The following DBH variants were observed in gnomAD, a reference collection of about 807,000 sequenced individuals.
DBH encodes the protein dopamine beta-hydroxylase (dopamine beta-monooxygenase).
In DBH, 49 loss-of-function variants were observed where a neutral mutation model predicts 64.0. That is an observed-to-expected ratio of 0.77 (90% CI 0.61 to 0.97). The LOEUF (loss-of-function observed/expected upper bound fraction) is 0.97. DBH is among the 50% of genes least tolerant of loss of function. The pLI, the probability that DBH is intolerant of heterozygous loss-of-function variation, is 0.00. For synonymous variants in DBH, 343 were observed against 347.1 expected (o/e 0.99, Z 0.13); for missense variants, 828 against 826.6 (o/e 1.00, Z -0.02).
Position 133,656,425 on chromosome 9 carries a change from C to T in DBH, c.1435-98C>T, listed in dbSNP as rs181447585. 330 of 1,539,058 alleles carry T rather than the reference C, an allele frequency of 2.1e-4. 1 individual carries two copies. In the African/African-American group the frequency reaches 2.3e-3, roughly 11 times the overall value. On this transcript the variant is annotated intron_variant, in intron 9 of 11. Transcript: ENST00000393056. The stretch of plus-strand genomic sequence containing the variant: ...TGCCTGGCACGGTGCAGTGAACAGA[C>T]GAGTGGACGCAGTGTACACGTGGGT...
intron 9 of DBH, chr9:133,655,211 G>T (rs1040787964): frequency 6.6e-6 from 1 of 152,290 alleles, no homozygotes; most frequent in African/African-American, 2.4e-5. Context: ...AAAGGGGAGG[G>T]CAGCTCCCCA....
At chr9:133,644,427 C>T (rs954930029) in intron 5 of DBH, 107 bp downstream of exon 5, 30 of 897,718 alleles carry the variant, frequency 3.3e-5, no homozygotes, top group African/African-American at 2.6e-4. Context: ...CCCCGCTGTA[C>T]AGCTCCTCTT....
chr9:133,656,749 G>T, intron 10 of DBH, 99 bp downstream of exon 10: 1 of 1,457,674 alleles, frequency 6.9e-7, no homozygotes, highest in Non-Finnish European at 9.4e-7. Context: ...TCCAGGCTAA[G>T]TTCTAGGAGC....
In DBH at chr9:133,642,340, T is replaced by A; in HGVS notation, c.620T>A (p.Leu207Ter). Residue 207 changes from leucine (L) to a stop codon, truncating the protein, a stop_gained, in exon 3 of 12, where the codon TTG becomes TAG. Transcript: ENST00000393056. LOFTEE classifies it high-confidence loss of function. ...AAGCCCAATATCCCCGAACCGGAGT[T>A]GCCCTCAGACGCGTGCACCATGGAG... ...LLKPNIPEPE[L>*]PSDACTMEVQ... is the part of the protein sequence containing the mutation. 1 of 1,614,170 alleles carries A rather than the reference T, an allele frequency of 6.2e-7. No individual in the cohort carries two copies. Among genetic ancestry groups the A allele is most frequent in the Non-Finnish European group, 8.5e-7 (1 of 1,180,026 alleles).
chr9:133,650,465 TTTTTC>T (rs1330266905), intron 6 of DBH, among the ~76,000 whole-genome samples: 1 of 147,562 alleles, frequency 6.8e-6, no homozygotes, highest in Non-Finnish European at 1.5e-5. Flanking sequence ...CTTTCTTTTC[TTTTTC>T]TTTCTTTTTC....
chr9:133,653,114 A>G (rs1213716452), intron 9 of DBH, 115 bp downstream of exon 9: 3 of 826,792 alleles, frequency 3.6e-6, no homozygotes, highest in East Asian at 5.2e-5. Context: ...CGTCCCCTCA[A>G]TAAGCCAGTC....
intron 8 of DBH, 40 bp from the exon 9 acceptor site, chr9:133,652,900 C>T (rs754371009): frequency 3.3e-6 from 5 of 1,532,324 alleles, no homozygotes; most frequent in Non-Finnish European, 4.5e-6. Flanking sequence ...CTGCCAACGC[C>T]AGGTGGCAGG....
chr9:133,642,791 G>A (rs1832132526), intron 3 of DBH, among the ~76,000 whole-genome samples: 1 of 152,222 alleles, frequency 6.6e-6, no homozygotes, highest in South Asian at 2.1e-4. Context: ...TGAAAAAGCA[G>A]CTCGAGTCAG....
rs766640976 is a variant in DBH at position 133,642,435 on chromosome 9, A to C, written c.715A>C (p.Lys239Gln). The change falls in exon 3 of 12, where the codon AAG becomes CAG. Residue 239 changes from lysine to glutamine, a missense_variant. By Grantham distance (53) the Lys-to-Gln change is moderately conservative. Coordinates refer to ENST00000393056, the MANE Select transcript of DBH (RefSeq NM_000787.4). Reference protein sequence around the residue: ...TYWCYIKELPKGFSRHHIIKY... With the variant: ...TYWCYIKELPQGFSRHHIIKY... ...CTGGTGCTACATTAAGGAGCTTCCA[A>C]AGGGCTTCTCTCGGCACCACATTAT... is the stretch of plus-strand genomic sequence containing the variant. 1.2e-6 allele frequency: 2 copies of C among 1,612,708 alleles called. No homozygotes were observed. The highest frequency in any genetic ancestry group is 2.7e-5 in the African/African-American group (2 of 74,908).
chr9:133,636,535 C>T lies in DBH; in HGVS notation c.164C>T (p.Pro55Leu), dbSNP rs775127844. 21 of 1,613,394 alleles carry T rather than the reference C, an allele frequency of 1.3e-5. No individual in the cohort carries two copies. The highest frequency in any genetic ancestry group is 3.3e-5 in the South Asian group (3 of 91,090). Residue 55 changes from proline to leucine, a missense_variant, in exon 1 of 12, where the codon CCG becomes CTG. Pro to Leu is a moderately conservative substitution (Grantham distance 98). Coordinates refer to ENST00000393056, the MANE Select transcript of DBH (RefSeq NM_000787.4). Reference sequence around the variant, plus strand: ...CTCCCCTATCACATCCCCCTGGACCCGGAGGGGTCCCTGGAGCTCTCATGG... The same window carrying T: ...CTCCCCTATCACATCCCCCTGGACCTGGAGGGGTCCCTGGAGCTCTCATGG... ...SPLPYHIPLD[P>L]EGSLELSWNV...
In DBH at chr9:133,636,364, C is replaced by T; in HGVS notation, c.-8C>T. On this transcript the variant is annotated 5_prime_UTR_variant, in exon 1 of 12. Coordinates refer to ENST00000393056, the MANE Select transcript of DBH (RefSeq NM_000787.4). Reference sequence around the variant, plus strand: ...TGGCCAGGTGGGACCAGAGAGCTCACCCCAGCCATGCCCGCCCTCAGTCGC... The same window carrying T: ...TGGCCAGGTGGGACCAGAGAGCTCATCCCAGCCATGCCCGCCCTCAGTCGC... 1 of 1,606,300 alleles carries T rather than the reference C, an allele frequency of 6.2e-7. No individual in the cohort carries two copies.
chr9:133,657,448 A>AG (rs1260464821), intron 11 of DBH: 5 of 421,936 alleles, frequency 1.2e-5, no homozygotes, highest in South Asian at 4.5e-5. Flanking sequence ...GAGAGGAGAG[A>AG]GAGGAGAGAG....
intron 6 of DBH, among the ~76,000 whole-genome samples, chr9:133,649,716 C>G (rs902246671): frequency 6.6e-6 from 1 of 152,254 alleles, no homozygotes; most frequent in African/African-American, 2.4e-5. Flanking sequence ...ACTGGTGAAG[C>G]GTGGGCCCAT....
Position 133,651,742 on chromosome 9 carries a change from G to A in DBH, c.1300G>A (p.Val434Met), listed in dbSNP as rs372010353. 37 of 1,613,038 alleles carry A rather than the reference G, an allele frequency of 2.3e-5. No homozygotes were observed. Among genetic ancestry groups the A allele is most frequent in the Non-Finnish European group, 3.1e-5 (36 of 1,179,726 alleles). The change falls in exon 7 of 12, where the codon GTG becomes ATG. Residue 434 changes from valine to methionine, a missense_variant. Val to Met is a conservative substitution (Grantham distance 21). Coordinates refer to ENST00000393056, the MANE Select transcript of DBH (RefSeq NM_000787.4). ...LVRDGREWEI[V>M]NQDNHYSPHF... ...CCGGGACGGCCGGGAGTGGGAGATC[G>A]TGAACCAGGACAATCACTACAGCCC... is the stretch of plus-strand genomic sequence containing the variant.
intron 10 of DBH, 37 bp from the exon 11 acceptor site, chr9:133,657,033 G>T (rs774130050): frequency 6.2e-7 from 1 of 1,612,760 alleles, no homozygotes; most frequent in South Asian, 1.1e-5. Context: ...CTGCCCGTCA[G>T]CTGCTCCCCA....
rs557734211 is a variant in DBH, at chr9:133,642,087, G to A, written c.487-120G>A. 7.2e-6 allele frequency: 10 copies of A among 1,392,052 alleles called. No individual in the cohort carries two copies. In the African/African-American group the frequency reaches 1.4e-4, roughly 20 times the overall value. The allele number at this position is 1,392,052 out of a possible 1,614,324, so 86.2% of individuals were successfully genotyped here. ...AAGCCTCAAGGGTCCCTTATTCACA[G>A]AGATGAGAGTGAGGTGTGTCACCTG... On this transcript the variant is annotated intron_variant, in intron 2 of 11. Coordinates refer to ENST00000393056, the MANE Select transcript of DBH (RefSeq NM_000787.4).
intron 9 of DBH, among the ~76,000 whole-genome samples, chr9:133,653,843 G>C (rs1832280268): frequency 6.6e-6 from 1 of 152,204 alleles, no homozygotes; most frequent in Non-Finnish European, 1.5e-5. Context: ...CAATTACCTG[G>C]GTCCCAGGCA....
intron 2 of DBH, 40 bp downstream of exon 2, chr9:133,640,032 C>G: frequency 6.2e-7 from 1 of 1,611,194 alleles, no homozygotes. Flanking sequence ...GCGTGGGCTG[C>G]GTGTATCATG....
At chr9:133,636,899 A>C (rs1832060142) in intron 1 of DBH, among the ~76,000 whole-genome samples, 189 bp downstream of exon 1, 1 of 152,162 alleles carries the variant, frequency 6.6e-6, no homozygotes, top group African/African-American at 2.4e-5. Context: ...TTTGAGGACA[A>C]AATAGGAAAG....
Sources: allele counts gnomAD v4.1 joint callset (sites outside exome capture counted in the v4.1 genomes callset), GRCh38; gene constraint gnomAD v4.1.1; transcripts MANE v1.5; gene names NCBI Gene and HGNC (gene_info 2026-07-23, HGNC 2026-07-21).